Variants in DMRT1 observed in about 807,000 individuals in gnomAD.
DMRT1 encodes the protein doublesex and mab-3 related transcription factor 1.
A neutral mutation model predicts 32.3 loss-of-function variants in DMRT1; 7 were observed. The ratio of observed to expected loss-of-function variants is 0.22; its 90% CI spans 0.12 to 0.41. DMRT1 has a LOEUF of 0.41. Ranked by LOEUF, DMRT1 falls within the 10% of genes least tolerant of loss-of-function variation. DMRT1 has a pLI of 1.00. For synonymous variants in DMRT1, 278 were observed against 206.1 expected, an observed-to-expected ratio of 1.35 and a Z score of -2.99; for missense variants, 625 against 500.5, an observed-to-expected ratio of 1.25 and a Z score of -2.37.
At chr9:907,172 G>C (rs1817806073) in intron 3 of DMRT1, among the ~76,000 whole-genome samples, 1 of 152,214 alleles carries the variant, frequency 6.6e-6, no homozygotes, top group Non-Finnish European at 1.5e-5. Context: ...GGACATGTGA[G>C]AGAGTGGAGC....
At chr9:910,251 A>G (rs1817925998) in intron 3 of DMRT1, among the ~76,000 whole-genome samples, 2 of 152,168 alleles carry the variant, frequency 1.3e-5, no homozygotes, top group South Asian at 4.1e-4. Flanking sequence ...AAATGTGAGC[A>G]CAGGCATTTT....
At chr9:869,507 G>A (rs1031064828) in intron 2 of DMRT1, among the ~76,000 whole-genome samples, 4 of 152,102 alleles carry the variant, frequency 2.6e-5, no homozygotes, top group African/African-American at 4.8e-5. Context: ...TGTCTCTAGT[G>A]AATTCTTCTC....
In DMRT1 at chr9:842,230, G is replaced by GTTTTT. The variant is rs780064237; in HGVS notation, c.354+57_354+61dup. 1,021 of 1,265,130 alleles carry GTTTTT rather than the reference G, an allele frequency of 8.1e-4. 5 individuals are homozygous for GTTTTT. The highest frequency in any genetic ancestry group is 3.5e-3 in the African/African-American group (162 of 46,514). The allele number at this position is 1,265,130 out of a possible 1,614,324, so 78.4% of individuals were successfully genotyped here. A position where few individuals can be genotyped will look rare whatever the true frequency, so the allele number is the denominator to read the frequency against. ...GTGCGGGAGCCCGGGTTCAGCCTTAGTTTTTTTTTTTTTTTTTTTTTTTAG... is the reference window on the plus strand; with the variant it reads ...GTGCGGGAGCCCGGGTTCAGCCTTAGTTTTTTTTTTTTTTTTTTTTTTTTTTTTAG... On this transcript the variant is annotated intron_variant, in intron 1 of 4. Coordinates refer to ENST00000382276, the MANE Select transcript of DMRT1 (RefSeq NM_021951.3).
chr9:852,364 T>C (rs1203350952), intron 2 of DMRT1, among the ~76,000 whole-genome samples: 3 of 151,776 alleles, frequency 2.0e-5, no homozygotes, highest in African/African-American at 7.3e-5. Flanking sequence ...TTTTTTCCGG[T>C]GGTTTCATGT....
At chr9:961,498 C>T (rs966133466) in intron 4 of DMRT1, among the ~76,000 whole-genome samples, 1 of 152,126 alleles carries the variant, frequency 6.6e-6, no homozygotes, top group Non-Finnish European at 1.5e-5. Context: ...ATGCTATTTT[C>T]TGTTTGGTTT....
intron 3 of DMRT1, among the ~76,000 whole-genome samples, chr9:898,361 C>G (rs991351407): frequency 6.6e-6 from 1 of 152,186 alleles, no homozygotes; most frequent in African/African-American, 2.4e-5. Context: ...CTCAAGTGAT[C>G]CGCCCACTCG....
chr9:931,465 ACTATTT>A (rs1818722692), intron 4 of DMRT1, among the ~76,000 whole-genome samples: 2 of 152,204 alleles, frequency 1.3e-5, no homozygotes, highest in Admixed American at 6.5e-5. Context: ...TTGTGCTAAT[ACTATTT>A]CTATTAGTCT....
At chr9:933,094 G>A (rs1339041736) in intron 4 of DMRT1, among the ~76,000 whole-genome samples, 1 of 152,022 alleles carries the variant, frequency 6.6e-6, no homozygotes, top group African/African-American at 2.4e-5. Context: ...TGTATTTTTA[G>A]TAGAGATGGG....
chr9:919,029 C>T (rs1818272400), intron 4 of DMRT1, among the ~76,000 whole-genome samples: 2 of 152,044 alleles, frequency 1.3e-5, no homozygotes, highest in Non-Finnish European at 2.9e-5. Context: ...GGAGGTGGGG[C>T]TGAGGCTAGA....
At chr9:913,648 A>G (rs1818066433) in intron 3 of DMRT1, among the ~76,000 whole-genome samples, 1 of 151,332 alleles carries the variant, frequency 6.6e-6, no homozygotes, top group African/African-American at 2.4e-5. Flanking sequence ...TAATCTCAGC[A>G]CTTTGGGATG....
rs189803050 is a variant in DMRT1, at chr9:934,835, T to C, written c.967+17928T>C. Among the ~76,000 whole-genome samples, 4 of 152,326 alleles carry C rather than the reference T, an allele frequency of 2.6e-5. No homozygotes were observed. The East Asian group carries it at 5.8e-4, about 22-fold the overall frequency. The stretch of plus-strand genomic sequence containing the variant: ...ACACTTTCGATGACTGTGGCCCTTT[T>C]CTGTGAGCATCAGAGAACACCAGAC... On this transcript the variant is annotated intron_variant, in intron 4 of 4. Coordinates refer to ENST00000382276, the MANE Select transcript of DMRT1 (RefSeq NM_021951.3).
Position 895,313 on chromosome 9 carries a change from C to G in DMRT1, c.822+1118C>G, listed in dbSNP as rs139161220. On this transcript the variant is annotated intron_variant, in intron 3 of 4. Transcript: ENST00000382276. ...CATTCAGAGGCTAGATTACCTTGTA[C>G]AGAGGTATGTTGTGGGAATATGTAG... is the stretch of plus-strand genomic sequence containing the variant. Among the ~76,000 whole-genome samples, 552 of 152,266 alleles carry G rather than the reference C, an allele frequency of 3.6e-3. 4 individuals carry two copies. The highest frequency in any genetic ancestry group is 0.01 in the African/African-American group (416 of 41,542).
chr9:956,086 G>A (rs190799240), intron 4 of DMRT1, among the ~76,000 whole-genome samples: 6 of 152,296 alleles, frequency 3.9e-5, no homozygotes, highest in Non-Finnish European at 8.8e-5. Flanking sequence ...ATGTTATTTC[G>A]TCTTTAAAAG....
At chr9:889,649 C>G (rs917041467) in intron 2 of DMRT1, among the ~76,000 whole-genome samples, 1 of 152,210 alleles carries the variant, frequency 6.6e-6, no homozygotes, top group Non-Finnish European at 1.5e-5. Flanking sequence ...GCTTGATAAA[C>G]TGAGGCCTGA....
chr9:849,120 A>G (rs1197516271), intron 2 of DMRT1, among the ~76,000 whole-genome samples: 1 of 151,870 alleles, frequency 6.6e-6, no homozygotes, highest in African/African-American at 2.4e-5. Context: ...CCTCATTTAC[A>G]GATAGGAAAA....
chr9:941,338 C>CCCACA lies in DMRT1; in HGVS notation c.967+24432_967+24433insCACAC, dbSNP rs1554760857. 1.8e-3 allele frequency among the ~76,000 whole-genome samples: 243 copies of CCCACA among 135,582 alleles called. 2 individuals are homozygous for CCCACA. The highest frequency in any genetic ancestry group is 7.5e-3 in the South Asian group (32 of 4,264). The allele number at this position is 135,582 out of a possible 152,430, so 88.9% of individuals were successfully genotyped here. A position where few individuals can be genotyped will look rare whatever the true frequency, so the allele number is the denominator to read the frequency against. On this transcript the variant is annotated intron_variant, in intron 4 of 4. Transcript: ENST00000382276. The stretch of plus-strand genomic sequence containing the variant: ...GCGCACACACACCCCCTCCCCCCCC[C>CCCACA]CACACATATGCAATGGAATATTAAA...
intron 2 of DMRT1, among the ~76,000 whole-genome samples, chr9:859,616 C>T (rs1365367616): frequency 3.3e-5 from 5 of 152,166 alleles, no homozygotes; most frequent in African/African-American, 4.8e-5. Flanking sequence ...TGAAAATTCA[C>T]ATAAATATTG....
chr9:862,300 G>C (rs1193910333), intron 2 of DMRT1, among the ~76,000 whole-genome samples: 1 of 152,186 alleles, frequency 6.6e-6, no homozygotes, highest in Non-Finnish European at 1.5e-5. Flanking sequence ...AGGAGCTGGA[G>C]ACCAGCCCCG....
At chr9:897,300 C>T (rs952406356) in intron 3 of DMRT1, among the ~76,000 whole-genome samples, 6 of 151,378 alleles carry the variant, frequency 4.0e-5, no homozygotes, top group Non-Finnish European at 7.4e-5. Context: ...GTATTTTTAG[C>T]AGAGATGGTG....
Sources: allele counts gnomAD v4.1 joint callset (sites outside exome capture counted in the v4.1 genomes callset), GRCh38; gene constraint gnomAD v4.1.1; transcripts MANE v1.5; gene names NCBI Gene and HGNC (gene_info 2026-07-23, HGNC 2026-07-21).